The following AGBL4 variants were observed in gnomAD, a reference collection of about 807,000 sequenced individuals.
The protein encoded by AGBL4 is cytosolic carboxypeptidase 6.
AGBL4 carries 58 observed loss-of-function variants against 66.4 expected under a neutral mutation model. The ratio of observed to expected loss-of-function variants is 0.87; its 90% CI spans 0.71 to 1.09. The LOEUF (loss-of-function observed/expected upper bound fraction) is 1.09, where lower values mean the gene tolerates loss of function less well. Among genes scored for constraint, AGBL4 ranks in the 50% least tolerant of loss-of-function variants. AGBL4 has a pLI of 0.00. For missense variants in AGBL4, 579 were observed against 631.0 expected, an observed-to-expected ratio of 0.92 and a Z score of 0.88; for synonymous variants, 234 against 222.9, an observed-to-expected ratio of 1.05 and a Z score of -0.44.
chr1:49,200,752 G>T (rs968385084), intron 4 of AGBL4, among the ~76,000 whole-genome samples: 1 of 152,166 alleles, frequency 6.6e-6, no homozygotes, highest in African/African-American at 2.4e-5. Flanking sequence ...CCACCTCCAT[G>T]TGCTTAGCAA....
chr1:49,373,737 T>A (rs1036636462), intron 3 of AGBL4, among the ~76,000 whole-genome samples: 1 of 152,154 alleles, frequency 6.6e-6, no homozygotes, highest in African/African-American at 2.4e-5. Context: ...TACCCAATTC[T>A]GTCTGACTCC....
intron 4 of AGBL4, among the ~76,000 whole-genome samples, chr1:49,156,469 T>C (rs560808866): frequency 5.3e-5 from 8 of 152,294 alleles, no homozygotes; most frequent in African/African-American, 9.6e-5. Flanking sequence ...ATTAGCTAGA[T>C]TGTTCTAGCT....
chr1:49,539,797 T>G (rs987288550), intron 3 of AGBL4, among the ~76,000 whole-genome samples: 1 of 152,082 alleles, frequency 6.6e-6, no homozygotes. Context: ...CCACCTGACC[T>G]TAGCTGGGAA....
chr1:49,897,068 T>C (rs1281928756), intron 1 of AGBL4, among the ~76,000 whole-genome samples: 1 of 152,092 alleles, frequency 6.6e-6, no homozygotes, highest in Non-Finnish European at 1.5e-5. Flanking sequence ...GGATGCCCAC[T>C]TTCATCAGTA....
intron 3 of AGBL4, among the ~76,000 whole-genome samples, chr1:49,565,289 T>C (rs1644166154): frequency 1.3e-5 from 2 of 152,216 alleles, no homozygotes; most frequent in Non-Finnish European, 1.5e-5. Flanking sequence ...AATTGAAGCA[T>C]TTAGCCCATT....
intron 11 of AGBL4, among the ~76,000 whole-genome samples, chr1:48,556,745 C>G (rs1039587422): frequency 6.6e-5 from 10 of 152,182 alleles, no homozygotes; most frequent in African/African-American, 2.4e-4. Flanking sequence ...GGTAAATTTA[C>G]ATTGTATGTG....
intron 5 of AGBL4, among the ~76,000 whole-genome samples, chr1:48,989,666 T>C (rs567372976): frequency 4.6e-5 from 7 of 152,324 alleles, no homozygotes; most frequent in African/African-American, 1.7e-4. Flanking sequence ...CCTAACATTA[T>C]GATCTCAAGT....
intron 3 of AGBL4, among the ~76,000 whole-genome samples, chr1:49,688,714 C>T (rs1483443778): frequency 3.3e-5 from 5 of 152,146 alleles, no homozygotes; most frequent in African/African-American, 1.2e-4. Context: ...GTTCCCTTTT[C>T]TCCATATCCT....
chr1:48,674,536 G>C (rs6692992), intron 6 of AGBL4, among the ~76,000 whole-genome samples: 1 of 150,776 alleles, frequency 6.6e-6, no homozygotes, highest in Non-Finnish European at 1.5e-5. Flanking sequence ...GGCGGGGAGG[G>C]GGGGGATGGG....
intron 1 of AGBL4, among the ~76,000 whole-genome samples, chr1:49,880,916 C>T (rs528068868): frequency 4.4e-4 from 67 of 152,148 alleles, no homozygotes; most frequent in African/African-American, 1.5e-3. Flanking sequence ...GGGAGTGACC[C>T]GATTTTCCAG....
intron 3 of AGBL4, among the ~76,000 whole-genome samples, chr1:49,285,823 A>ATAGAAACTAT (rs1471253757): frequency 6.6e-6 from 1 of 152,238 alleles, no homozygotes; most frequent in Non-Finnish European, 1.5e-5. Flanking sequence ...AACTATTCCA[A>ATAGAAACTAT]TCAATAGAAA....
chr1:49,101,350 C>T (rs1316364937), intron 4 of AGBL4, among the ~76,000 whole-genome samples: 2 of 151,968 alleles, frequency 1.3e-5, no homozygotes, highest in Non-Finnish European at 2.9e-5. Flanking sequence ...GCATCCCCAG[C>T]TAATTTTTTG....
intron 3 of AGBL4, among the ~76,000 whole-genome samples, chr1:49,398,338 TC>T (rs1645015325): frequency 2.3e-5 from 1 of 43,278 alleles, no homozygotes; most frequent in Non-Finnish European, 9.6e-5. Context: ...TCTCTTTCTC[TC>T]TCTCTCTCTC....
At chr1:48,689,224 G>GAAAAA (rs1646585109) in intron 6 of AGBL4, among the ~76,000 whole-genome samples, 1 of 124,554 alleles carries the variant, frequency 8.0e-6, no homozygotes, top group African/African-American at 3.6e-5. Context: ...AAAAAAAAAA[G>GAAAAA]AAAAGAAAAG....
At chr1:49,749,592 G>C (rs1651284915) in intron 2 of AGBL4, among the ~76,000 whole-genome samples, 1 of 152,056 alleles carries the variant, frequency 6.6e-6, no homozygotes, top group African/African-American at 2.4e-5. Flanking sequence ...AATAACTGCA[G>C]TAGCAACAAG....
At chr1:49,356,856 A>G (rs142721254) in intron 3 of AGBL4, among the ~76,000 whole-genome samples, 1 of 152,192 alleles carries the variant, frequency 6.6e-6, no homozygotes, top group East Asian at 1.9e-4. Flanking sequence ...TAGAATAACC[A>G]CTTCCTAACC....
At chr1:49,119,128 T>C (rs974644938) in intron 4 of AGBL4, among the ~76,000 whole-genome samples, 1 of 152,214 alleles carries the variant, frequency 6.6e-6, no homozygotes, top group Admixed American at 6.5e-5. Flanking sequence ...ATCAATTTTG[T>C]TGATCTTTTC....
intron 4 of AGBL4, among the ~76,000 whole-genome samples, chr1:49,219,627 T>G (rs1291351449): frequency 6.6e-6 from 1 of 152,160 alleles, no homozygotes; most frequent in Admixed American, 6.6e-5. Flanking sequence ...CATATAGCAA[T>G]GTCCAGAATC....
chr1:49,686,916 T>A (rs539215943), intron 3 of AGBL4, among the ~76,000 whole-genome samples: 5 of 152,174 alleles, frequency 3.3e-5, no homozygotes, highest in South Asian at 2.1e-4. Context: ...TTGAGCTTAA[T>A]CCAAATGAAT....
Sources: gnomAD v4.1 joint callset for allele counts (sites outside exome capture counted in the v4.1 genomes callset) on GRCh38, gnomAD v4.1.1 for gene constraint, MANE v1.5 for transcripts, NCBI Gene and HGNC (gene_info 2026-07-23, HGNC 2026-07-21) for gene names.